The following CNTN5 variants were observed in gnomAD, a reference collection of about 807,000 sequenced individuals.
CNTN5 encodes the protein contactin 5.
A neutral mutation model predicts 129.1 loss-of-function variants in CNTN5; 77 were observed. The ratio of observed to expected loss-of-function variants is 0.60; its 90% CI spans 0.50 to 0.72. CNTN5 has a LOEUF of 0.72. CNTN5 is among the 30% of genes least tolerant of loss of function. The pLI, the probability that CNTN5 is intolerant of heterozygous loss-of-function variation, is 0.00. For missense variants in CNTN5, 1,478 were observed against 1,328.8 expected (o/e 1.11, Z -1.75); for synonymous variants, 509 against 465.6 (o/e 1.09, Z -1.20).
At chr11:100,054,783 T>C (rs891188701) in intron 9 of CNTN5, among the ~76,000 whole-genome samples, 3 of 151,714 alleles carry the variant, frequency 2.0e-5, no homozygotes, top group African/African-American at 4.8e-5. Flanking sequence ...CTTAGCAAGG[T>C]ATACATTTAT....
chr11:100,292,767 G>C (rs1344785346), intron 18 of CNTN5, among the ~76,000 whole-genome samples: 1 of 151,952 alleles, frequency 6.6e-6, no homozygotes, highest in African/African-American at 2.4e-5. Context: ...CAATGAGAAA[G>C]AGTCATAAAA....
At chr11:99,897,235 G>A (rs146485530) in intron 6 of CNTN5, among the ~76,000 whole-genome samples, 2 of 152,152 alleles carry the variant, frequency 1.3e-5, no homozygotes, top group South Asian at 4.1e-4. Flanking sequence ...GAAAACATTT[G>A]AGAGGATAAA....
At chr11:100,183,795 T>G (rs1948212208) in intron 13 of CNTN5, among the ~76,000 whole-genome samples, 1 of 152,150 alleles carries the variant, frequency 6.6e-6, no homozygotes. Flanking sequence ...GTAAAGTTGT[T>G]GAAAAATGTT....
At chr11:99,828,657 C>T (rs1331403558) in intron 4 of CNTN5, among the ~76,000 whole-genome samples, 1 of 152,102 alleles carries the variant, frequency 6.6e-6, no homozygotes, top group South Asian at 2.1e-4. Context: ...TTTGTTTACA[C>T]ATGCATAATC....
intron 1 of CNTN5, among the ~76,000 whole-genome samples, chr11:99,295,875 T>A (rs1591484140): frequency 9.3e-6 from 1 of 107,600 alleles, no homozygotes; most frequent in Non-Finnish European, 1.7e-5. Context: ...AGAGCGAGAC[T>A]CCGTCTCAAA....
At position 99,694,731 on chromosome 11, in the gene CNTN5, C is replaced by T. The variant is rs117549635; in HGVS notation, c.56-124813C>T. Among the ~76,000 whole-genome samples the T allele has an allele frequency of 1.6e-4, 24 of 152,034 alleles. No homozygotes were observed. In the East Asian group the frequency reaches 3.3e-3, roughly 21 times the overall value. ...TCCTCTCCCTGTGCCCATATGTTCT[C>T]GTTGTTCAACTTCTACTTATATAAG... On this transcript the variant is annotated intron_variant, in intron 3 of 24. Transcript: ENST00000524871.
At chr11:100,327,493 C>T (rs1319707030) in intron 21 of CNTN5, among the ~76,000 whole-genome samples, 1 of 152,140 alleles carries the variant, frequency 6.6e-6, no homozygotes, top group Non-Finnish European at 1.5e-5. Flanking sequence ...CTTCCCTGAC[C>T]AGCCCCTGCC....
chr11:100,269,203 G>A (rs970512852), intron 17 of CNTN5, among the ~76,000 whole-genome samples: 76 of 152,188 alleles, frequency 5.0e-4, no homozygotes, highest in African/African-American at 1.8e-3. Flanking sequence ...TAGTTCAAGT[G>A]AGATGAGTAA....
At chr11:99,594,592 G>T (rs1470603302) in intron 3 of CNTN5, among the ~76,000 whole-genome samples, 1 of 152,138 alleles carries the variant, frequency 6.6e-6, no homozygotes, top group Non-Finnish European at 1.5e-5. Context: ...GTTCACTTTG[G>T]CCGGTTCTAT....
intron 10 of CNTN5, among the ~76,000 whole-genome samples, chr11:100,067,609 A>T (rs540253190): frequency 4.3e-4 from 65 of 152,236 alleles, no homozygotes; most frequent in South Asian, 3.7e-3. Flanking sequence ...ATATGAAATG[A>T]CATCTGTCTT....
chr11:100,321,885 C>T (rs1364110544), intron 21 of CNTN5, among the ~76,000 whole-genome samples: 1 of 152,032 alleles, frequency 6.6e-6, no homozygotes, highest in African/African-American at 2.4e-5. Context: ...CCTTACATCC[C>T]CACACTTGAT....
intron 9 of CNTN5, among the ~76,000 whole-genome samples, chr11:100,060,052 C>T (rs1943399345): frequency 6.6e-6 from 1 of 151,262 alleles, no homozygotes; most frequent in Admixed American, 6.6e-5. Flanking sequence ...CTACTAAAAA[C>T]GCAAAAATGA....
intron 1 of CNTN5, among the ~76,000 whole-genome samples, chr11:99,229,771 G>C (rs1032669407): frequency 6.6e-6 from 1 of 152,018 alleles, no homozygotes; most frequent in African/African-American, 2.4e-5. Context: ...TTTCAGGCTA[G>C]TGTCAGCTTA....
chr11:99,591,956 T>G (rs900276001), intron 3 of CNTN5, among the ~76,000 whole-genome samples: 5 of 152,228 alleles, frequency 3.3e-5, no homozygotes, highest in African/African-American at 1.2e-4. Flanking sequence ...GTAACAATTT[T>G]TTTAAGAATA....
rs992758982 is a variant in CNTN5 at position 99,803,176 on chromosome 11, A to G, written c.56-16368A>G. Among the ~76,000 whole-genome samples, 4 of 151,778 alleles carry G rather than the reference A, an allele frequency of 2.6e-5. No individual in the cohort carries two copies. The East Asian group carries it at 5.8e-4, about 22-fold the overall frequency. Reference sequence around the variant, plus strand: ...CCAGGTGAGCAGCTGCTGAAAATGCATGGAGATCTTCCTGAGCATGGAGTA... The same window carrying G: ...CCAGGTGAGCAGCTGCTGAAAATGCGTGGAGATCTTCCTGAGCATGGAGTA... On this transcript the variant is annotated intron_variant, in intron 3 of 24. Transcript: ENST00000524871.
intron 7 of CNTN5, among the ~76,000 whole-genome samples, chr11:99,948,129 G>A (rs1377572): frequency 0.052 from 7,972 of 152,198 alleles, 247 homozygotes; most frequent in Non-Finnish European, 0.074. Flanking sequence ...CTGTCATCTT[G>A]TGGACTGCCA....
intron 6 of CNTN5, among the ~76,000 whole-genome samples, chr11:99,902,375 GT>G (rs1949382276): frequency 6.6e-6 from 1 of 151,664 alleles, no homozygotes; most frequent in East Asian, 1.9e-4. Flanking sequence ...AAAGCTTCAA[GT>G]ATTTACTAAG....
chr11:99,224,804 C>G (rs534259294), intron 1 of CNTN5, among the ~76,000 whole-genome samples: 1 of 151,750 alleles, frequency 6.6e-6, no homozygotes, highest in Non-Finnish European at 1.5e-5. Flanking sequence ...TCAAGGTAAC[C>G]CACATCTGAT....
chr11:99,386,100 A>G (rs17585263), intron 2 of CNTN5, among the ~76,000 whole-genome samples: 6,093 of 152,236 alleles, frequency 0.04, 135 homozygotes, highest in African/African-American at 0.056. Flanking sequence ...ACCAAATTCC[A>G]AATTCCATGG....
Sources: allele counts gnomAD v4.1 joint callset (sites outside exome capture counted in the v4.1 genomes callset), GRCh38; gene constraint gnomAD v4.1.1; transcripts MANE v1.5; gene names NCBI Gene and HGNC (gene_info 2026-07-23, HGNC 2026-07-21).